Variants in APLP2 observed in about 807,000 individuals in gnomAD.
APLP2 encodes amyloid beta precursor like protein 2, also known as CDEI box-binding protein.
Under a neutral mutation model 89.9 loss-of-function variants are expected in APLP2, and 53 were observed. The ratio of observed to expected loss-of-function variants is 0.59; its 90% CI spans 0.47 to 0.74. The LOEUF is 0.74. APLP2 is among the 30% of genes least tolerant of loss of function. The pLI is 0.00. For synonymous variants in APLP2, 372 were observed against 348.6 expected (o/e 1.07, Z -0.75); for missense variants, 973 against 975.9 (o/e 1.00, Z 0.04).
chr11:130,123,509 C>G lies in APLP2; in HGVS notation c.923-103C>G. 1.5e-6 allele frequency: 2 copies of G among 1,298,520 alleles called. No individual in the cohort carries two copies. Among genetic ancestry groups the G allele is most frequent in the South Asian group, 2.8e-5 (2 of 70,640 alleles). The allele number at this position is 1,298,520 out of a possible 1,614,324, so 80.4% of individuals were successfully genotyped here. The stretch of plus-strand genomic sequence containing the variant: ...CGGGCCTCCAGGCTCCGTCCAGTCT[C>G]AGGCCTCCCCCAGCCCATCCCCCAG... On this transcript the variant is annotated intron_variant, in intron 6 of 16. Transcript: ENST00000338167. The surrounding 1 kb of genome is among the most constrained non-coding windows in gnomAD (Gnocchi z 4.0).
chr11:130,092,211 G>A (rs1274533552), intron 1 of APLP2, among the ~76,000 whole-genome samples: 7 of 138,748 alleles, frequency 5.0e-5, no homozygotes, highest in East Asian at 2.4e-4. Context: ...GATGGCGGCT[G>A]GGCGGAGACG....
At chr11:130,106,833 C>T (rs1205554864) in intron 1 of APLP2, among the ~76,000 whole-genome samples, 2 of 152,184 alleles carry the variant, frequency 1.3e-5, no homozygotes, top group Non-Finnish European at 2.9e-5. Flanking sequence ...TGATTACCGG[C>T]ATCCGCCACC....
At chr11:130,094,432 A>G (rs569585164) in intron 1 of APLP2, among the ~76,000 whole-genome samples, 1 of 148,718 alleles carries the variant, frequency 6.7e-6, no homozygotes, top group Non-Finnish European at 1.5e-5. Context: ...CAAATGATCC[A>G]CTCACCTCGG....
At chr11:130,074,334 G>T (rs1246749067) in intron 1 of APLP2, among the ~76,000 whole-genome samples, 1 of 152,090 alleles carries the variant, frequency 6.6e-6, no homozygotes, top group East Asian at 1.9e-4. Flanking sequence ...TCCTGCCTCA[G>T]CCTCCAGAGT....
intron 1 of APLP2, among the ~76,000 whole-genome samples, chr11:130,094,412 T>A (rs1479923475): frequency 6.6e-6 from 1 of 151,626 alleles, no homozygotes; most frequent in Non-Finnish European, 1.5e-5. Context: ...TGGTCTTGAA[T>A]TCTTGACCTC....
At chr11:130,136,308 G>A (rs1043594038) in intron 13 of APLP2, among the ~76,000 whole-genome samples, 13 of 152,158 alleles carry the variant, frequency 8.5e-5, no homozygotes, top group Non-Finnish European at 4.4e-5. Flanking sequence ...TGTTGCTGTT[G>A]CTGCTGACAG....
intron 1 of APLP2, among the ~76,000 whole-genome samples, chr11:130,078,708 T>C (rs186755386): frequency 9.3e-4 from 142 of 152,290 alleles, no homozygotes; most frequent in African/African-American, 3.4e-3. Flanking sequence ...GCACCATTTA[T>C]TGTCAAGGTC....
chr11:130,102,095 A>G, intron 1 of APLP2: 2 of 364,956 alleles, frequency 5.5e-6, no homozygotes, highest in Non-Finnish European at 1.1e-5. Context: ...TACTGAGAAC[A>G]GAATTTTTTT....
At chr11:130,127,325 G>C (rs1950497082) in intron 8 of APLP2, among the ~76,000 whole-genome samples, 1 of 152,076 alleles carries the variant, frequency 6.6e-6, no homozygotes, top group African/African-American at 2.4e-5. Context: ...ACACCAAAGT[G>C]CAACTTTTCT....
At chr11:130,072,507 C>A (rs1425885908) in intron 1 of APLP2, among the ~76,000 whole-genome samples, 1 of 114,010 alleles carries the variant, frequency 8.8e-6, no homozygotes, top group African/African-American at 4.0e-5. Context: ...TACGGAGTCT[C>A]GCTCTGTCCC....
In APLP2 at chr11:130,130,061, A is replaced by G. The variant is rs1016768619; in HGVS notation, c.1479A>G (p.Leu493=). Residue 493 remains leucine (L), a synonymous_variant, in exon 11 of 17, where the codon TTA becomes TTG. Transcript: ENST00000338167. ...AGCCTCATCGCATTCTCCAGGCCTT[A>G]CGGCGTTATGTCCGTGCTGAGAACA... The part of the protein sequence containing the change: ...PPRPHRILQA[L]RRYVRAENKD... 2.5e-6 allele frequency: 4 copies of G among 1,614,098 alleles called. No homozygotes were observed. Among genetic ancestry groups the G allele is most frequent in the Non-Finnish European group, 3.4e-6 (4 of 1,180,032 alleles).
chr11:130,119,404 T>C (rs1403210239), intron 3 of APLP2, among the ~76,000 whole-genome samples: 1 of 152,196 alleles, frequency 6.6e-6, no homozygotes, highest in Non-Finnish European at 1.5e-5. Context: ...TGTATATTTC[T>C]AACTTTTTAT....
At chr11:130,109,815 G>A (rs1011123706) in intron 2 of APLP2, 10 of 482,916 alleles carry the variant, frequency 2.1e-5, no homozygotes, top group African/African-American at 2.0e-4. Context: ...GTTCTTTAAG[G>A]AAGGGATACT....
chr11:130,087,842 A>AG (rs1353783785), intron 1 of APLP2, among the ~76,000 whole-genome samples: 1 of 152,190 alleles, frequency 6.6e-6, no homozygotes, highest in African/African-American at 2.4e-5. Flanking sequence ...ATTAAAAAAA[A>AG]TCCTGCTGGG....
chr11:130,126,944 C>G, intron 8 of APLP2, 114 bp downstream of exon 8: 1 of 1,451,132 alleles, frequency 6.9e-7, no homozygotes, highest in East Asian at 2.3e-5. Flanking sequence ...TGTATAAGGA[C>G]TGGTGAGTCA....
intron 1 of APLP2, among the ~76,000 whole-genome samples, chr11:130,101,173 T>TTTG (rs907596708): frequency 5.9e-5 from 9 of 152,192 alleles, no homozygotes; most frequent in Non-Finnish European, 1.0e-4. Flanking sequence ...ACCCGTGTGT[T>TTTG]TTGTTGTTGT....
chr11:130,116,003 A>G (rs1305571223), intron 3 of APLP2, among the ~76,000 whole-genome samples: 1 of 152,238 alleles, frequency 6.6e-6, no homozygotes, highest in African/African-American at 2.4e-5. Flanking sequence ...TTCTTTGGAT[A>G]CACATGGAAA....
intron 1 of APLP2, among the ~76,000 whole-genome samples, chr11:130,080,936 G>T (rs1339152360): frequency 6.6e-6 from 1 of 151,112 alleles, no homozygotes; most frequent in Non-Finnish European, 1.5e-5. Context: ...TGATCCACCT[G>T]CCTCGGCCTC....
chr11:130,107,088 G>T (rs896452049), intron 1 of APLP2, among the ~76,000 whole-genome samples: 2 of 152,156 alleles, frequency 1.3e-5, no homozygotes, highest in Non-Finnish European at 2.9e-5. Flanking sequence ...TCTTGCATTA[G>T]AGCCCCAAGA....
Sources: gnomAD v4.1 joint callset for allele counts (sites outside exome capture counted in the v4.1 genomes callset) on GRCh38, gnomAD v4.1.1 for gene constraint, Gnocchi (gnomAD v3.1) non-coding constraint, MANE v1.5 for transcripts, NCBI Gene and HGNC (gene_info 2026-07-23, HGNC 2026-07-21) for gene names.